Variants in MELK observed in about 807,000 individuals in gnomAD.
MELK encodes the protein pEg3 kinase.
In MELK, 81 loss-of-function variants were observed where a neutral mutation model predicts 85.0. The observed-to-expected ratio is 0.95, with a 90% confidence interval of 0.80 to 1.15. The LOEUF (loss-of-function observed/expected upper bound fraction) is 1.15, where lower values mean the gene tolerates loss of function less well. Ranked by LOEUF, MELK falls within the 50% of genes most tolerant of loss-of-function variation. The probability of loss-of-function intolerance (pLI) is 0.00; values close to 1 mark genes in which losing one functional copy is unlikely to be tolerated. For synonymous variants in MELK, 252 were observed against 265.0 expected (o/e 0.95, Z 0.48); for missense variants, 754 against 777.5 (o/e 0.97, Z 0.36).
At chr9:36,652,964 ATAC>A (rs1335763547) in intron 12 of MELK, among the ~76,000 whole-genome samples, 3 of 152,122 alleles carry the variant, frequency 2.0e-5, no homozygotes, top group Non-Finnish European at 2.9e-5. Context: ...GGAATATATA[ATAC>A]TTTATATGAC....
At chr9:36,653,531 G>A (rs1201288925) in intron 12 of MELK, among the ~76,000 whole-genome samples, 6 of 152,150 alleles carry the variant, frequency 3.9e-5, no homozygotes, top group Non-Finnish European at 7.4e-5. Context: ...TCCTTGTTTT[G>A]TGTGATTCTT....
intron 14 of MELK, among the ~76,000 whole-genome samples, chr9:36,666,747 G>T (rs1428118401): frequency 1.3e-5 from 2 of 152,074 alleles, no homozygotes; most frequent in African/African-American, 4.8e-5. Context: ...CAGAATATTT[G>T]CTAGAAGTCC....
intron 6 of MELK, among the ~76,000 whole-genome samples, chr9:36,598,350 T>G (rs1254472672): frequency 6.6e-6 from 1 of 152,192 alleles, no homozygotes; most frequent in African/African-American, 2.4e-5. Flanking sequence ...AGACACCATC[T>G]AAGGAAAGTG....
At chr9:36,619,836 T>G (rs1247977810) in intron 8 of MELK, among the ~76,000 whole-genome samples, 18 of 152,194 alleles carry the variant, frequency 1.2e-4, no homozygotes. Context: ...CTTCCTTGTT[T>G]CCCCCCTCCA....
At chr9:36,640,822 A>G (rs1829687839) in intron 10 of MELK, among the ~76,000 whole-genome samples, 1 of 152,188 alleles carries the variant, frequency 6.6e-6, no homozygotes, top group Non-Finnish European at 1.5e-5. Flanking sequence ...CTCACCTCCC[A>G]AAGACCCAAC....
chr9:36,612,621 A>G (rs75100915), intron 8 of MELK, among the ~76,000 whole-genome samples: 2,902 of 152,258 alleles, frequency 0.019, 80 homozygotes, highest in African/African-American at 0.063. Context: ...ACCTCAAGTG[A>G]TCCTCCTGCC....
At chr9:36,636,617 C>T (rs1418795922) in intron 10 of MELK, among the ~76,000 whole-genome samples, 1 of 152,190 alleles carries the variant, frequency 6.6e-6, no homozygotes, top group African/African-American at 2.4e-5. Context: ...GTCGTGGCTA[C>T]AGTCATCTTG....
chr9:36,618,385 G>T (rs1827061153), intron 8 of MELK, among the ~76,000 whole-genome samples: 1 of 150,086 alleles, frequency 6.7e-6, no homozygotes. Flanking sequence ...CTCCAGCCTG[G>T]GTGACAGACA....
At chr9:36,579,920 C>T (rs373492464) in intron 1 of MELK, among the ~76,000 whole-genome samples, 1 of 151,694 alleles carries the variant, frequency 6.6e-6, no homozygotes, top group Non-Finnish European at 1.5e-5. Flanking sequence ...GTATATGTAA[C>T]CCACATAAGT....
intron 10 of MELK, among the ~76,000 whole-genome samples, chr9:36,641,250 T>C (rs1195660569): frequency 1.3e-5 from 2 of 152,208 alleles, no homozygotes; most frequent in African/African-American, 4.8e-5. Flanking sequence ...TAACCAGTTT[T>C]TGAGGGCCTA....
At chr9:36,641,460 C>T (rs117737598) in intron 10 of MELK, among the ~76,000 whole-genome samples, 3 of 152,228 alleles carry the variant, frequency 2.0e-5, no homozygotes, top group Non-Finnish European at 2.9e-5. Context: ...TGTACCAATT[C>T]CCAGTGGACA....
intron 8 of MELK, among the ~76,000 whole-genome samples, chr9:36,620,548 CTTT>C (rs747925440): frequency 0.015 from 1,938 of 128,436 alleles, 23 homozygotes; most frequent in African/African-American, 0.051. Flanking sequence ...CATTCTCTTC[CTTT>C]TTTTTTTTTT....
At chr9:36,578,162 A>C (rs1821838146) in intron 1 of MELK, among the ~76,000 whole-genome samples, 1 of 151,916 alleles carries the variant, frequency 6.6e-6, no homozygotes, top group South Asian at 2.1e-4. Flanking sequence ...TATGTTTTCA[A>C]CATTTCAAAT....
At chr9:36,637,597 A>G (rs933236513) in intron 10 of MELK, among the ~76,000 whole-genome samples, 1 of 152,254 alleles carries the variant, frequency 6.6e-6, no homozygotes, top group Non-Finnish European at 1.5e-5. Context: ...GCAGTGGACT[A>G]GGACATGTGC....
chr9:36,655,940 T>TG (rs1831199928), intron 12 of MELK, among the ~76,000 whole-genome samples: 2 of 151,944 alleles, frequency 1.3e-5, no homozygotes, highest in South Asian at 2.1e-4. Context: ...AGTGAGACTT[T>TG]GGGAAAAAAA....
chr9:36,585,431 T>C (rs1822792431), intron 3 of MELK, among the ~76,000 whole-genome samples: 1 of 149,438 alleles, frequency 6.7e-6, no homozygotes, highest in Non-Finnish European at 1.5e-5. Flanking sequence ...CTCAGCCACC[T>C]GAGTAGCTGG....
chr9:36,633,734 A>T (rs924636734), intron 10 of MELK, among the ~76,000 whole-genome samples: 1 of 152,212 alleles, frequency 6.6e-6, no homozygotes, highest in African/African-American at 2.4e-5. Flanking sequence ...AAAAAGAATG[A>T]CATTGTTTTA....
In MELK at chr9:36,597,228, T is replaced by C; in HGVS notation, c.412T>C (p.Leu138=). Residue 138 remains leucine (L), a synonymous_variant, in exon 6 of 18, where the codon TTG becomes CTG. Coordinates refer to ENST00000298048, the MANE Select transcript of MELK (RefSeq NM_014791.4). ...AATATCTTTGTTTTCCCAGGAAAAT[T>C]TGCTGTTTGATGAATATCATAAATT... ...YAHRDLKPEN[L]LFDEYHKLKL... is the part of the protein sequence containing the mutation. The C allele has an allele frequency of 3.7e-6, 6 of 1,613,104 alleles. No homozygotes were observed. The highest frequency in any genetic ancestry group is 4.2e-6 in the Non-Finnish European group (5 of 1,179,068).
Position 36,665,439 on chromosome 9 carries a change from C to T in MELK, c.1266C>T (p.Asn422=), listed in dbSNP as rs371627417. 22 of 1,612,904 alleles carry T rather than the reference C, an allele frequency of 1.4e-5. No individual in the cohort carries two copies. The African/African-American group carries it at 2.9e-4, about 22-fold the overall frequency. Residue 422 remains asparagine, a synonymous_variant, in exon 14 of 18, where the codon AAC becomes AAT. Transcript: ENST00000298048. ...LCRTPANKLK[N]KENVYTPKSA... ...GAACACCTGCAAATAAATTAAAGAA[C>T]AAAGAAAATGTATATACTCCTAAGT...
Sources: allele counts gnomAD v4.1 joint callset (sites outside exome capture counted in the v4.1 genomes callset), GRCh38; gene constraint gnomAD v4.1.1; transcripts MANE v1.5; gene names NCBI Gene and HGNC (gene_info 2026-07-23, HGNC 2026-07-21).